Variants in SP3 observed in about 807,000 individuals in gnomAD.
The protein encoded by SP3 is Sp3 transcription factor, also known as transcription factor Sp3.
A neutral mutation model predicts 70.3 loss-of-function variants in SP3; 10 were observed. The observed-to-expected ratio is 0.14, with a 90% CI of 0.09 to 0.24. SP3 has a LOEUF of 0.24. Ranked by LOEUF, SP3 falls within the 10% of genes least tolerant of loss-of-function variation. The pLI is 1.00. For synonymous variants in SP3, 402 were observed against 333.5 expected (o/e 1.21, Z -2.24); for missense variants, 825 against 914.6 (o/e 0.90, Z 1.26).
Position 173,905,842 on chromosome 2 carries a change from A to G in SP3, c.*4099T>C, listed in dbSNP as rs1296607109. Reference sequence around the variant, plus strand: ...AGTGAGACCCCATCTCTACAAAACAAATTAAAATTAACTGAGCATGGTGGT... The same window carrying G: ...AGTGAGACCCCATCTCTACAAAACAGATTAAAATTAACTGAGCATGGTGGT... On this transcript the variant is annotated 3_prime_UTR_variant, in exon 7 of 7. Coordinates refer to ENST00000310015, the MANE Select transcript of SP3 (RefSeq NM_003111.5). Among the ~76,000 whole-genome samples the G allele has an allele frequency of 6.6e-6, 1 of 152,072 alleles. No homozygotes were observed. The highest frequency in any genetic ancestry group is 2.4e-5 in the African/African-American group (1 of 41,416).
intron 4 of SP3, among the ~76,000 whole-genome samples, chr2:173,924,112 G>A (rs1416266546): frequency 6.6e-6 from 1 of 151,956 alleles, no homozygotes; most frequent in African/African-American, 2.4e-5. Context: ...ATAGATGGAT[G>A]GTTAATCACC....
chr2:173,960,844 C>T (rs1027523754), intron 3 of SP3, among the ~76,000 whole-genome samples: 1 of 151,822 alleles, frequency 6.6e-6, no homozygotes, highest in Admixed American at 6.6e-5. Flanking sequence ...GGCATGGTGG[C>T]ACACGCCTGT....
intron 3 of SP3, among the ~76,000 whole-genome samples, chr2:173,962,012 T>C (rs1299415043): frequency 2.0e-5 from 3 of 151,442 alleles, no homozygotes; most frequent in Non-Finnish European, 2.9e-5. Flanking sequence ...ATGTATTTGA[T>C]TGATAAATCT....
rs1689675384 is a variant in SP3, at chr2:173,918,800, A to AAACCAAATACAGATGAGAAGC, written c.1640-36_1640-16dup. 6.3e-7 allele frequency: 1 copy of AAACCAAATACAGATGAGAAGC among 1,596,010 alleles called. No individual in the cohort carries two copies. Among genetic ancestry groups the AAACCAAATACAGATGAGAAGC allele is most frequent in the Non-Finnish European group, 8.5e-7 (1 of 1,172,446 alleles). On this transcript the variant is annotated splice_polypyrimidine_tract_variant and intron_variant, in intron 4 of 6. Transcript: ENST00000310015. Reference sequence around the variant, plus strand: ...GATCCTAATATCTAAAGGGAAAAAAAAACCAAATACAGATGAGAAGCAACC... The same window carrying AAACCAAATACAGATGAGAAGC: ...GATCCTAATATCTAAAGGGAAAAAAAAACCAAATACAGATGAGAAGCAACCAAATACAGATGAGAAGCAACC...
chr2:173,945,856 G>A (rs1690520775), intron 4 of SP3, among the ~76,000 whole-genome samples: 1 of 152,138 alleles, frequency 6.6e-6, no homozygotes, highest in African/African-American at 2.4e-5. Context: ...GTCAGGCCTG[G>A]TGGCTCATGC....
At position 173,912,320 on chromosome 2, in the gene SP3, T is replaced by C. The variant is rs543058509; in HGVS notation, c.2029+750A>G. 7.2e-5 allele frequency among the ~76,000 whole-genome samples: 11 copies of C among 152,366 alleles called. No individual in the cohort carries two copies. The East Asian group carries it at 1.5e-3, about 21-fold the overall frequency. ...GAGATAGTTTATTCGCTTAACCTAA[T>C]AGGGAACTTGGATTGGAATCCAGAT... On this transcript the variant is annotated intron_variant, in intron 6 of 6. Coordinates refer to ENST00000310015, the MANE Select transcript of SP3 (RefSeq NM_003111.5).
At chr2:173,951,784 T>C (rs1690717806) in intron 4 of SP3, among the ~76,000 whole-genome samples, 1 of 152,234 alleles carries the variant, frequency 6.6e-6, no homozygotes, top group Non-Finnish European at 1.5e-5. Context: ...ATACTGTTAT[T>C]GGTCTATCTC....
At chr2:173,939,697 G>A (rs986827181) in intron 4 of SP3, among the ~76,000 whole-genome samples, 13 of 137,316 alleles carry the variant, frequency 9.5e-5, no homozygotes, top group African/African-American at 3.7e-4. Flanking sequence ...CCAGAGAGGC[G>A]GAAGTTGTAG....
chr2:173,918,729 A>T lies in SP3; in HGVS notation c.1696T>A (p.Ser566Thr). ...GTTAGGTCATTGGTATTCAAGGTAG[A>T]ATCACCACTGAGCTGCCACTCTTCA... ...DPEEWQLSGD[S>T]TLNTNDLTHL... Residue 566 changes from serine (S) to threonine (T), a missense_variant, in exon 5 of 7, where the codon TCT (serine) becomes ACT (threonine). This residue lies in a region of SP3 where 678 missense variants were observed against 651.6 expected (regional missense o/e 1.04). Transcript: ENST00000310015. 1 of 1,613,722 alleles carries T rather than the reference A, an allele frequency of 6.2e-7. No homozygotes were observed. The highest frequency in any genetic ancestry group is 1.1e-5 in the South Asian group (1 of 91,044).
chr2:173,964,207 C>CAGGCGGGCG (rs1276259558), intron 2 of SP3, 198 bp downstream of exon 2: 3 of 468,004 alleles, frequency 6.4e-6, no homozygotes, highest in African/African-American at 4.2e-5. Context: ...AAAAAGGCGG[C>CAGGCGGGCG]AGGCGGGCGA....
At chr2:173,938,459 C>CAAAAAAAAAAAAAA (rs747595137) in intron 4 of SP3, among the ~76,000 whole-genome samples, 1 of 46,382 alleles carries the variant, frequency 2.2e-5, no homozygotes, top group African/African-American at 8.1e-5. Flanking sequence ...AACTTTGCCT[C>CAAAAAAAAAAAAAA]AAAAAAAAAA....
intron 2 of SP3, 130 bp from the exon 3 acceptor site, chr2:173,964,013 TCTCCTCCTCCTC>T (rs533817433): frequency 4.9e-5 from 23 of 466,220 alleles, no homozygotes; most frequent in East Asian, 8.7e-5. Flanking sequence ...CAGCCCGCGC[TCTCCTCCTCCTC>T]CTCCTCCTCC....
At position 173,904,864 on chromosome 2, in the gene SP3, G is replaced by C. The variant is rs913854321; in HGVS notation, c.*5077C>G. Among the ~76,000 whole-genome samples, 2 of 152,180 alleles carry C rather than the reference G, an allele frequency of 1.3e-5. No individual in the cohort carries two copies. The highest frequency in any genetic ancestry group is 1.5e-5 in the Non-Finnish European group (1 of 68,038). On this transcript the variant is annotated 3_prime_UTR_variant, in exon 7 of 7. Coordinates refer to ENST00000310015, the MANE Select transcript of SP3 (RefSeq NM_003111.5). ...GACTTTTTTTTGTGGGGGAAGGATGGAGGGGAGAAATAACTGCATTTCTCT... is the reference window on the plus strand; with the variant it reads ...GACTTTTTTTTGTGGGGGAAGGATGCAGGGGAGAAATAACTGCATTTCTCT...
intron 4 of SP3, among the ~76,000 whole-genome samples, chr2:173,930,841 T>C (rs1457248648): frequency 3.9e-5 from 6 of 152,134 alleles, no homozygotes; most frequent in Non-Finnish European, 7.3e-5. Flanking sequence ...CTAATAGAAA[T>C]ACAATGCAAG....
intron 5 of SP3, among the ~76,000 whole-genome samples, 184 bp downstream of exon 5, chr2:173,918,409 A>C (rs1435623572): frequency 6.6e-6 from 1 of 152,162 alleles, no homozygotes; most frequent in East Asian, 1.9e-4. Context: ...AGTTTAAAAA[A>C]CATTGAGAAC....
At chr2:173,964,102 G>A (rs1366661588) in intron 2 of SP3, 2 of 351,562 alleles carry the variant, frequency 5.7e-6, no homozygotes, top group Admixed American at 4.8e-5. Flanking sequence ...CCCGGTCCGC[G>A]GGCAGGCGGG....
rs1689234697 is a variant in SP3 at position 173,903,740 on chromosome 2, T to C, written c.*6201A>G. Among the ~76,000 whole-genome samples the C allele has an allele frequency of 6.6e-6, 1 of 152,296 alleles. No homozygotes were observed. The highest frequency in any genetic ancestry group is 1.9e-4 in the East Asian group (1 of 5,184). ...CCACAGATAAAGATACAGCCATCTG[T>C]TAAGAGGGCGTCCTGAAACTGTAGA... is the stretch of plus-strand genomic sequence containing the variant. On this transcript the variant is annotated 3_prime_UTR_variant, in exon 7 of 7. Transcript: ENST00000310015.
chr2:173,953,174 C>CA (rs1690767713), intron 4 of SP3, among the ~76,000 whole-genome samples: 1 of 152,240 alleles, frequency 6.6e-6, no homozygotes, highest in Non-Finnish European at 1.5e-5. Context: ...TCTTTAACTG[C>CA]AAGTGCATGG....
rs182258550 is a variant in SP3 at position 173,964,847 on chromosome 2, T to G, written c.8-294A>C. The stretch of plus-strand genomic sequence containing the variant: ...CCCTTTCCCTTCGCGCCGCTCGCTC[T>G]CACTCGCGCTCGCTCCTCTCGCACC... On this transcript the variant is annotated intron_variant, in intron 1 of 6. Transcript: ENST00000310015. The G allele has an allele frequency of 2.3e-3, 1,079 of 478,232 alleles. 3 individuals carry two copies. The highest frequency in any genetic ancestry group is 2.7e-3 in the Non-Finnish European group (735 of 274,604). 29.6% of individuals were successfully genotyped at this position (478,232 alleles called of 1,614,324 possible).
Sources: gnomAD v4.1 joint callset for allele counts (sites outside exome capture counted in the v4.1 genomes callset) on GRCh38, gnomAD v4.1.1 for gene constraint, gnomAD v4.1.1 regional missense constraint, MANE v1.5 for transcripts, NCBI Gene and HGNC (gene_info 2026-07-23, HGNC 2026-07-21) for gene names.